The following BCL2L13 variants were observed in gnomAD, a reference collection of about 807,000 sequenced individuals.
The protein encoded by BCL2L13 is bcl-2-like protein 13.
A neutral mutation model predicts 25.8 loss-of-function variants in BCL2L13; 13 were observed. The ratio of observed to expected loss-of-function variants is 0.50; its 90% confidence interval spans 0.33 to 0.80. BCL2L13 has a LOEUF of 0.80. BCL2L13 is among the 30% of genes least tolerant of loss of function. BCL2L13 has a pLI of 0.02. For synonymous variants in BCL2L13, 244 were observed against 230.3 expected, an observed-to-expected ratio of 1.06 and a Z score of -0.54; for missense variants, 504 against 574.9, an observed-to-expected ratio of 0.88 and a Z score of 1.26.
intron 5 of BCL2L13, among the ~76,000 whole-genome samples, chr22:17,697,027 A>T (rs2060284759): frequency 6.6e-6 from 1 of 152,116 alleles, no homozygotes. Flanking sequence ...GTCATGAGTC[A>T]GACATGTGAC....
upstream of BCL2L13, among the ~76,000 whole-genome samples, chr22:17,636,748 C>T (rs999637365): frequency 6.6e-6 from 1 of 151,792 alleles, no homozygotes; most frequent in Admixed American, 6.6e-5. Flanking sequence ...GAGCTGAGAT[C>T]GCGCCATTGC....
intron 1 of BCL2L13, among the ~76,000 whole-genome samples, chr22:17,653,025 A>G (rs2058737805): frequency 6.6e-6 from 1 of 152,086 alleles, no homozygotes; most frequent in Admixed American, 6.6e-5. Flanking sequence ...AGATCGCGCC[A>G]CTGCACTCCA....
At chr22:17,704,451 G>A (rs917251931) in intron 6 of BCL2L13, among the ~76,000 whole-genome samples, 3 of 151,882 alleles carry the variant, frequency 2.0e-5, no homozygotes, top group Admixed American at 6.6e-5. Context: ...CACATTGTTC[G>A]GTCTAAGCTC....
chr22:17,687,548 G>A lies in BCL2L13; in HGVS notation c.230-1438G>A, dbSNP rs866407028. Among the ~76,000 whole-genome samples the A allele has an allele frequency of 6.6e-5, 10 of 151,630 alleles. No individual in the cohort carries two copies. In the South Asian group the frequency reaches 8.3e-4, roughly 13 times the overall value. ...TTTCTTTTTTTTGAGCCAGAGTCTCGCTCTGTCACCCAGGCTGGAGTGCAG... is the reference window on the plus strand; with the variant it reads ...TTTCTTTTTTTTGAGCCAGAGTCTCACTCTGTCACCCAGGCTGGAGTGCAG... On this transcript the variant is annotated intron_variant, in intron 3 of 6. Coordinates refer to ENST00000317582, the MANE Select transcript of BCL2L13 (RefSeq NM_015367.4).
intron 2 of BCL2L13, among the ~76,000 whole-genome samples, chr22:17,675,194 A>G (rs953620922): frequency 2.0e-5 from 3 of 152,164 alleles, no homozygotes; most frequent in African/African-American, 7.2e-5. Flanking sequence ...ATAGTTTTTT[A>G]AAAGATTTCT....
chr22:17,656,335 CTTTTTTTTTTTTT>C (rs890631679), intron 2 of BCL2L13, among the ~76,000 whole-genome samples: 1,072 of 57,872 alleles, frequency 0.019, 11 homozygotes, highest in Non-Finnish European at 0.024. Context: ...TCATTTTATT[CTTTTTTTTTTTTT>C]TTTTTTTTTT....
At chr22:17,637,254 A>G (rs1018946849), upstream of BCL2L13, among the ~76,000 whole-genome samples, 7 of 151,816 alleles carry the variant, frequency 4.6e-5, no homozygotes, top group Non-Finnish European at 8.8e-5. Flanking sequence ...TAAAAATACA[A>G]AAATTAGCTG....
At chr22:17,657,427 C>T (rs1028187008) in intron 2 of BCL2L13, among the ~76,000 whole-genome samples, 3 of 152,206 alleles carry the variant, frequency 2.0e-5, no homozygotes, top group African/African-American at 7.2e-5. Flanking sequence ...AGAAGACGTA[C>T]ATGATCCTGT....
chr22:17,719,071 C>A (rs1177056956), intron 6 of BCL2L13, among the ~76,000 whole-genome samples: 1 of 146,800 alleles, frequency 6.8e-6, no homozygotes, highest in Non-Finnish European at 1.5e-5. Flanking sequence ...GAAGAATTGC[C>A]TGAACCCAGG....
At chr22:17,655,425 CT>C (rs370375070) in intron 1 of BCL2L13, among the ~76,000 whole-genome samples, 3,794 of 135,742 alleles carry the variant, frequency 0.028, 142 homozygotes, top group African/African-American at 0.091. Context: ...ATGTGCAGTA[CT>C]TTTTTTTTTT....
At chr22:17,633,241 C>G (rs1384673035) in intron 1 of BCL2L13, among the ~76,000 whole-genome samples, 1 of 152,156 alleles carries the variant, frequency 6.6e-6, no homozygotes, top group Non-Finnish European at 1.5e-5. Context: ...CACTTCTCCC[C>G]CATGTTAGTT....
intron 1 of BCL2L13, among the ~76,000 whole-genome samples, chr22:17,631,666 GTGTGTATATATATATATATATATATATA>G (rs1312091616): frequency 2.8e-4 from 6 of 21,422 alleles, no homozygotes; most frequent in African/African-American, 1.0e-3. Context: ...GTATGTGTGT[GTGTGTATATATATATATATATATATATA>G]TATATATATA....
At chr22:17,721,895 C>T (rs560358950) in intron 6 of BCL2L13, among the ~76,000 whole-genome samples, 14 of 151,006 alleles carry the variant, frequency 9.3e-5, no homozygotes, top group Non-Finnish European at 1.0e-4. Context: ...CTCCTGACCT[C>T]GTGATCTGCC....
At chr22:17,629,509 C>T (rs199723701) in intron 1 of BCL2L13, among the ~76,000 whole-genome samples, 1 of 152,126 alleles carries the variant, frequency 6.6e-6, no homozygotes, top group Non-Finnish European at 1.5e-5. Context: ...CAGAAATCCC[C>T]CCAGGCTCAT....
chr22:17,694,642 G>GT (rs2060210102), intron 4 of BCL2L13, among the ~76,000 whole-genome samples: 1 of 151,912 alleles, frequency 6.6e-6, no homozygotes, highest in Non-Finnish European at 1.5e-5. Flanking sequence ...TTGAAATCTA[G>GT]TGTGTATATT....
At chr22:17,663,941 C>T (rs369075501) in intron 2 of BCL2L13, among the ~76,000 whole-genome samples, 6 of 152,072 alleles carry the variant, frequency 3.9e-5, no homozygotes, top group Non-Finnish European at 8.8e-5. Context: ...CTCCGCCTCC[C>T]GGGTCCAAGT....
chr22:17,665,781 G>A (rs1471745593), intron 2 of BCL2L13, among the ~76,000 whole-genome samples: 1 of 152,156 alleles, frequency 6.6e-6, no homozygotes, highest in East Asian at 1.9e-4. Flanking sequence ...CCTAAAGGTT[G>A]TGAAGTGGTG....
intron 2 of BCL2L13, among the ~76,000 whole-genome samples, chr22:17,679,987 C>T (rs1601628375): frequency 2.0e-5 from 3 of 151,390 alleles, no homozygotes; most frequent in South Asian, 2.1e-4. Context: ...CTGGGGCGGG[C>T]GGATTACCTG....
intron 2 of BCL2L13, among the ~76,000 whole-genome samples, chr22:17,658,928 AG>A (rs2058976646): frequency 6.7e-6 from 1 of 148,924 alleles, no homozygotes; most frequent in Non-Finnish European, 1.5e-5. Flanking sequence ...GCATGGTGGC[AG>A]GCACCTGTAA....
Sources: allele counts gnomAD v4.1 joint callset (sites outside exome capture counted in the v4.1 genomes callset), GRCh38; gene constraint gnomAD v4.1.1; transcripts MANE v1.5; gene names NCBI Gene and HGNC (gene_info 2026-07-23, HGNC 2026-07-21).